The following TSHZ1 variants were observed in gnomAD, a reference collection of about 807,000 sequenced individuals.
TSHZ1 encodes the protein teashirt homolog 1.
Under a neutral mutation model 67.1 loss-of-function variants are expected in TSHZ1, and 12 were observed. The ratio of observed to expected loss-of-function variants is 0.18; its 90% CI spans 0.11 to 0.29. The LOEUF (loss-of-function observed/expected upper bound fraction) is 0.29, where lower values mean the gene tolerates loss of function less well. TSHZ1 is among the 10% of genes least tolerant of loss of function. The probability of loss-of-function intolerance (pLI) is 1.00; values close to 1 mark genes in which losing one functional copy is unlikely to be tolerated. For synonymous variants in TSHZ1, 632 were observed against 622.4 expected (o/e 1.02, Z -0.23); for missense variants, 1,305 against 1,413.9 (o/e 0.92, Z 1.23).
intron 1 of TSHZ1, among the ~76,000 whole-genome samples, chr18:75,220,162 T>G (rs764999523): frequency 1.2e-4 from 18 of 152,354 alleles, no homozygotes; most frequent in Middle Eastern, 3.4e-3. Context: ...GCAAGGTCCT[T>G]CTGCATTTAA....
intron 1 of TSHZ1, among the ~76,000 whole-genome samples, chr18:75,225,973 C>G (rs949887320): frequency 6.6e-6 from 1 of 152,222 alleles, no homozygotes; most frequent in South Asian, 2.1e-4. Context: ...ATTTATAAAT[C>G]TGTGCTAAGC....
chr18:75,224,057 C>CT (rs2022884965), intron 1 of TSHZ1, among the ~76,000 whole-genome samples: 1 of 36,458 alleles, frequency 2.7e-5, no homozygotes, highest in Non-Finnish European at 5.5e-5. Context: ...TCAGTTTAAA[C>CT]TTGTAAAAAA....
chr18:75,218,413 A>G (rs1025633632), intron 1 of TSHZ1, among the ~76,000 whole-genome samples: 20 of 152,310 alleles, frequency 1.3e-4, no homozygotes, highest in Admixed American at 8.5e-4. Flanking sequence ...TGTATTAGCA[A>G]TTTTGCACAT....
In TSHZ1 at chr18:75,289,750, C is replaced by A. The variant is rs150707558; in HGVS notation, c.*1109C>A. On this transcript the variant is annotated 3_prime_UTR_variant, in exon 2 of 2. Coordinates refer to ENST00000580243, the MANE Select transcript of TSHZ1 (RefSeq NM_001308210.2). The stretch of plus-strand genomic sequence containing the variant: ...TTAAATAGAGGACTTTTACTGGCAC[C>A]TGCATCTCTCCAGATGCATGTACTC... 6.0e-6 allele frequency: 1 copy of A among 166,992 alleles called. No individual in the cohort carries two copies. The highest frequency in any genetic ancestry group is 2.4e-5 in the African/African-American group (1 of 41,416). 10.3% of individuals were successfully genotyped at this position (166,992 alleles called of 1,614,324 possible). A position where few individuals can be genotyped will look rare whatever the true frequency, so the allele number is the denominator to read the frequency against.
chr18:75,278,112 A>C (rs1005138326), intron 1 of TSHZ1, among the ~76,000 whole-genome samples: 38 of 152,136 alleles, frequency 2.5e-4, no homozygotes, highest in African/African-American at 8.7e-4. Context: ...AGCCCCATAG[A>C]GGCGAACCAC....
At chr18:75,250,274 G>A (rs2023282560) in intron 1 of TSHZ1, among the ~76,000 whole-genome samples, 1 of 152,120 alleles carries the variant, frequency 6.6e-6, no homozygotes, top group Non-Finnish European at 1.5e-5. Context: ...GTCCCCAGTC[G>A]CAAGGGTACT....
intron 1 of TSHZ1, among the ~76,000 whole-genome samples, chr18:75,244,175 C>T (rs1020769200): frequency 1.3e-5 from 2 of 151,996 alleles, no homozygotes; most frequent in South Asian, 2.1e-4. Flanking sequence ...CTCGGAGTTC[C>T]GGGTTCCCTT....
At chr18:75,271,720 C>G (rs1292596759) in intron 1 of TSHZ1, among the ~76,000 whole-genome samples, 1 of 151,624 alleles carries the variant, frequency 6.6e-6, no homozygotes, top group African/African-American at 2.4e-5. Context: ...TTTTTCTTGC[C>G]GCTCCCCCCT....
chr18:75,224,582 T>C (rs1568353053), intron 1 of TSHZ1, among the ~76,000 whole-genome samples: 1 of 151,894 alleles, frequency 6.6e-6, no homozygotes, highest in Non-Finnish European at 1.5e-5. Flanking sequence ...TAATGTATGA[T>C]CCCCCCCTCC....
chr18:75,222,178 TG>T (rs1319632232), intron 1 of TSHZ1, among the ~76,000 whole-genome samples: 3 of 151,848 alleles, frequency 2.0e-5, no homozygotes, highest in Non-Finnish European at 2.9e-5. Flanking sequence ...AGAGGGGGGT[TG>T]TGCTACCTTG....
intron 1 of TSHZ1, among the ~76,000 whole-genome samples, chr18:75,221,835 A>G (rs1295842753): frequency 1.3e-5 from 2 of 152,214 alleles, no homozygotes; most frequent in African/African-American, 2.4e-5. Flanking sequence ...GGCAAATAAT[A>G]TGACCATAAA....
intron 1 of TSHZ1, among the ~76,000 whole-genome samples, chr18:75,227,211 G>A (rs916770056): frequency 3.3e-4 from 50 of 152,132 alleles, no homozygotes; most frequent in Admixed American, 6.5e-5. Context: ...CCACTCCTGC[G>A]GCAGAAGTTT....
intron 1 of TSHZ1, among the ~76,000 whole-genome samples, chr18:75,212,902 G>A (rs558673183): frequency 2.6e-5 from 4 of 152,160 alleles, no homozygotes; most frequent in East Asian, 1.9e-4. Context: ...TGGACATTGC[G>A]TTTGTGGGGC....
At chr18:75,245,583 G>A (rs1197562735) in intron 1 of TSHZ1, among the ~76,000 whole-genome samples, 1 of 152,194 alleles carries the variant, frequency 6.6e-6, no homozygotes, top group Admixed American at 6.5e-5. Context: ...CGCAAGAATG[G>A]AGAATTTTTA....
intron 1 of TSHZ1, among the ~76,000 whole-genome samples, chr18:75,212,607 C>T (rs2022713653): frequency 6.6e-6 from 1 of 152,170 alleles, no homozygotes; most frequent in African/African-American, 2.4e-5. Context: ...ATCTGGCAGC[C>T]TTTGATCTAT....
intron 1 of TSHZ1, among the ~76,000 whole-genome samples, chr18:75,214,070 G>C (rs539255926): frequency 6.6e-6 from 1 of 152,304 alleles, no homozygotes; most frequent in East Asian, 1.9e-4. Flanking sequence ...TTTAATTACA[G>C]GGTTTATTAT....
At chr18:75,241,137 T>C (rs1012995055) in intron 1 of TSHZ1, among the ~76,000 whole-genome samples, 8 of 152,190 alleles carry the variant, frequency 5.3e-5, no homozygotes, top group Admixed American at 2.0e-4. Context: ...ACGTGTTGTT[T>C]TGGATGCTGG....
chr18:75,235,065 C>T lies in TSHZ1; in HGVS notation c.40+23149C>T, dbSNP rs112868988. Among the ~76,000 whole-genome samples, 883 of 152,198 alleles carry T rather than the reference C, an allele frequency of 5.8e-3. 16 individuals carry two copies. Among genetic ancestry groups the T allele is most frequent in the African/African-American group, 0.02 (815 of 41,514 alleles). ...GTTCCTGGTGCTTGTGAGCCGTCAG[C>T]GTGTCACACCCGTGTTGTGAGAGGT... On this transcript the variant is annotated intron_variant, in intron 1 of 1. Transcript: ENST00000580243.
At chr18:75,244,079 A>G (rs1297068380) in intron 1 of TSHZ1, among the ~76,000 whole-genome samples, 3 of 152,206 alleles carry the variant, frequency 2.0e-5, no homozygotes, top group African/African-American at 7.2e-5. Flanking sequence ...TTGCTTGACT[A>G]GCTAGATCGG....
Sources: gnomAD v4.1 joint callset for allele counts (sites outside exome capture counted in the v4.1 genomes callset) on GRCh38, gnomAD v4.1.1 for gene constraint, MANE v1.5 for transcripts, NCBI Gene and HGNC (gene_info 2026-07-23, HGNC 2026-07-21) for gene names.